Variants in TNPO3 observed in about 807,000 individuals in gnomAD.
The protein encoded by TNPO3 is transportin 3.
Under a neutral mutation model 122.8 loss-of-function variants are expected in TNPO3, and 65 were observed. The observed-to-expected ratio is 0.53, with a 90% CI of 0.43 to 0.65. TNPO3 has a LOEUF of 0.65. TNPO3 is among the 30% of genes least tolerant of loss of function. TNPO3 has a pLI of 0.00. For missense variants in TNPO3, 850 were observed against 1,136.7 expected, an observed-to-expected ratio of 0.75 and a Z score of 3.63; for synonymous variants, 372 against 411.2, an observed-to-expected ratio of 0.90 and a Z score of 1.15.
intron 1 of TNPO3, among the ~76,000 whole-genome samples, chr7:129,036,193 T>C (rs529449983): frequency 1.3e-5 from 2 of 152,204 alleles, no homozygotes; most frequent in African/African-American, 4.8e-5. Context: ...GACCTCATGA[T>C]CCGCCCACCT....
chr7:129,037,936 A>C (rs1806899171), intron 1 of TNPO3, among the ~76,000 whole-genome samples: 1 of 152,210 alleles, frequency 6.6e-6, no homozygotes. Flanking sequence ...GAATGACACA[A>C]GAAAAACTAG....
intron 21 of TNPO3, among the ~76,000 whole-genome samples, chr7:128,964,526 G>A (rs1797760634): frequency 6.6e-6 from 1 of 151,938 alleles, no homozygotes; most frequent in South Asian, 2.1e-4. Context: ...TAGTAGAGAT[G>A]GGGTTTCACT....
rs1206418880 is a variant in TNPO3 at position 128,996,737 on chromosome 7, C to T, written c.1158+652G>A. Reference sequence around the variant, plus strand: ...CAGCCTGGGTGACAGAGCGAGACTCCGTCTCAAAAAAAAAAAAAAAAAAAA... The same window carrying T: ...CAGCCTGGGTGACAGAGCGAGACTCTGTCTCAAAAAAAAAAAAAAAAAAAA... On this transcript the variant is annotated intron_variant, in intron 8 of 22. Coordinates refer to ENST00000265388, the MANE Select transcript of TNPO3 (RefSeq NM_012470.4). Among the ~76,000 whole-genome samples the T allele has an allele frequency of 2.5e-3, 266 of 105,938 alleles. 1 individual carries two copies. Among genetic ancestry groups the T allele is most frequent in the African/African-American group, 4.0e-3 (109 of 27,160 alleles). The allele number at this position is 105,938 out of a possible 152,430, so 69.5% of individuals were successfully genotyped here.
intron 1 of TNPO3, among the ~76,000 whole-genome samples, chr7:129,022,880 G>C (rs1021512120): frequency 5.3e-5 from 8 of 152,102 alleles, no homozygotes. Flanking sequence ...AAATCAAACT[G>C]ATTAGAGAGA....
chr7:129,026,394 ATTTTT>A (rs969403916), intron 1 of TNPO3, among the ~76,000 whole-genome samples: 4 of 94,712 alleles, frequency 4.2e-5, no homozygotes, highest in African/African-American at 1.3e-4. Context: ...TGACGTTTGA[ATTTTT>A]TTTTTTTTTT....
In TNPO3 at chr7:129,054,780, G is replaced by A. The variant is rs754381805; in HGVS notation, c.-10C>T. ...GCTTTGCTCCTTCCATGGTGGTGGC[G>A]GTAGTGGCGGTAGCGACGGCTCTGA... On this transcript the variant is annotated 5_prime_UTR_variant, in exon 1 of 23. Transcript: ENST00000265388. 7 of 1,613,904 alleles carry A rather than the reference G, an allele frequency of 4.3e-6. No homozygotes were observed. The African/African-American group carries it at 5.3e-5, about 12-fold the overall frequency.
intron 17 of TNPO3, among the ~76,000 whole-genome samples, chr7:128,975,595 T>A (rs1798968629): frequency 6.6e-6 from 1 of 152,128 alleles, no homozygotes; most frequent in Non-Finnish European, 1.5e-5. Flanking sequence ...AACCAGGCAG[T>A]AACATGTAAT....
At position 128,998,393 on chromosome 7, in the gene TNPO3, C is replaced by T. The variant is rs539498286; in HGVS notation, c.1012-858G>A. Among the ~76,000 whole-genome samples the T allele has an allele frequency of 1.6e-4, 25 of 152,236 alleles. No homozygotes were observed. In the South Asian group the frequency reaches 3.3e-3, roughly 20 times the overall value. ...TATATATTTTCTTTAGAGACAGGGTCGCCTAGGCTGGAGCACAGTGGCACA... is the reference window on the plus strand; with the variant it reads ...TATATATTTTCTTTAGAGACAGGGTTGCCTAGGCTGGAGCACAGTGGCACA... On this transcript the variant is annotated intron_variant, in intron 7 of 22. Coordinates refer to ENST00000265388, the MANE Select transcript of TNPO3 (RefSeq NM_012470.4).
At chr7:128,957,494 T>C (rs1188090006) in intron 21 of TNPO3, among the ~76,000 whole-genome samples, 179 bp from the exon 22 acceptor site, 1 of 152,192 alleles carries the variant, frequency 6.6e-6, no homozygotes, top group Middle Eastern at 3.2e-3. Context: ...AATTATTATA[T>C]ATGAGAAAAG....
intron 1 of TNPO3, among the ~76,000 whole-genome samples, chr7:129,035,985 CT>C (rs1187834799): frequency 7.2e-6 from 1 of 138,048 alleles, no homozygotes; most frequent in African/African-American, 2.6e-5. Context: ...ATGGAATCTC[CT>C]TCTGTCACCC....
chr7:128,963,879 T>TA (rs1358440100), intron 21 of TNPO3, among the ~76,000 whole-genome samples: 1 of 152,180 alleles, frequency 6.6e-6, no homozygotes, highest in African/African-American at 2.4e-5. Flanking sequence ...TTTATGCTCA[T>TA]AAAAAAGTGC....
chr7:129,041,484 GA>G, intron 1 of TNPO3: 1 of 940,610 alleles, frequency 1.1e-6, no homozygotes, highest in South Asian at 4.9e-5. Context: ...CTAAACAGCA[GA>G]AAAAAGGAAG....
chr7:129,000,358 G>T (rs1051089783), intron 7 of TNPO3, 71 bp downstream of exon 7: 2 of 1,396,354 alleles, frequency 1.4e-6, no homozygotes, highest in Non-Finnish European at 1.9e-6. Context: ...TTGGGCACGA[G>T]GTAATGAAAT....
At chr7:129,000,660 T>A in intron 6 of TNPO3, 93 bp from the exon 7 acceptor site, 2 of 1,280,642 alleles carry the variant, frequency 1.6e-6, no homozygotes, top group South Asian at 2.8e-5. Flanking sequence ...AAAAGGTTCC[T>A]CAGTCTAAGG....
rs10954215 is a variant in TNPO3 at position 129,005,459 on chromosome 7, T to C, written c.553-300A>G. On this transcript the variant is annotated intron_variant, in intron 4 of 22. Coordinates refer to ENST00000265388, the MANE Select transcript of TNPO3 (RefSeq NM_012470.4). ...TTTCGTTCTGTGTCCCCACCCAAAT[T>C]TCATGTCAAATTGTAATCCCCAGTG... 0.59 allele frequency among the ~76,000 whole-genome samples: 90,047 copies of C among 151,976 alleles called. 26,883 individuals are homozygous for C. Among genetic ancestry groups the C allele is most frequent in the South Asian group, 0.62 (2,975 of 4,814 alleles).
rs1474040660 is a variant in TNPO3, at chr7:129,001,141, G to T, written c.790C>A (p.Pro264Thr). ...CCCTGAAAAAGTTGCATGGCTAATG[G>T]CAAGTTAGTCTCCACATTCTCAATG... is the stretch of plus-strand genomic sequence containing the variant. ...YAIENVETNL[P>T]LAMQLFQGVL... is the part of the protein sequence containing the mutation. The change falls in exon 6 of 23, where the codon CCA becomes ACA. Residue 264 changes from proline (P) to threonine (T), a missense_variant. Transcript: ENST00000265388. 4 of 1,614,002 alleles carry T rather than the reference G, an allele frequency of 2.5e-6. No individual in the cohort carries two copies. The African/African-American group carries it at 5.3e-5, about 22-fold the overall frequency.
In TNPO3 at chr7:128,997,493, G is replaced by A; in HGVS notation, c.1054C>T (p.His352Tyr). Residue 352 changes from histidine (H) to tyrosine (Y), a missense_variant, in exon 8 of 23, where the codon CAT becomes TAT. His to Tyr is a moderately conservative substitution (Grantham distance 83, BLOSUM62 2). Coordinates refer to ENST00000265388, the MANE Select transcript of TNPO3 (RefSeq NM_012470.4). ...ACTTCATCGTTAGTTTTGTACAAAT[G>A]TTCCCCCAGTCGGTACCAAAAGTTA... Reference protein sequence around the residue: ...SFNFWYRLGEHLYKTNDEVIH... With the variant: ...SFNFWYRLGEYLYKTNDEVIH... 5.0e-6 allele frequency: 8 copies of A among 1,614,038 alleles called. No individual in the cohort carries two copies. The highest frequency in any genetic ancestry group is 6.8e-6 in the Non-Finnish European group (8 of 1,179,880).
rs987962526 is a variant in TNPO3 at position 129,054,935 on chromosome 7, T to A, written c.-165A>T. ...CAGGGCAGAAGGCTCTCCGTGGAAG[T>A]TGCCCCCTCGGAAACAGCTATTAGG... On this transcript the variant is annotated 5_prime_UTR_variant, in exon 1 of 23. Coordinates refer to ENST00000265388, the MANE Select transcript of TNPO3 (RefSeq NM_012470.4). 9.1e-6 allele frequency: 8 copies of A among 876,094 alleles called. No homozygotes were observed. Among genetic ancestry groups the A allele is most frequent in the South Asian group, 6.9e-5 (4 of 58,018 alleles). The allele number at this position is 876,094 out of a possible 1,614,324, so 54.3% of individuals were successfully genotyped here.
At chr7:128,999,514 CTAAGGCACAG>C (rs1801694377) in intron 7 of TNPO3, among the ~76,000 whole-genome samples, 1 of 152,110 alleles carries the variant, frequency 6.6e-6, no homozygotes, top group Non-Finnish European at 1.5e-5. Context: ...ACCACTGTGC[CTAAGGCACAG>C]TAAGAGGATC....
Sources: gnomAD v4.1 joint callset for allele counts (sites outside exome capture counted in the v4.1 genomes callset) on GRCh38, gnomAD v4.1.1 for gene constraint, MANE v1.5 for transcripts, NCBI Gene and HGNC (gene_info 2026-07-23, HGNC 2026-07-21) for gene names.